Variants in MAPK15 observed in about 807,000 individuals in gnomAD.
MAPK15 encodes the protein mitogen-activated protein kinase 15.
A neutral mutation model predicts 60.8 loss-of-function variants in MAPK15; 61 were observed. The ratio of observed to expected loss-of-function variants is 1.00; its 90% CI spans 0.82 to 1.24. The LOEUF (loss-of-function observed/expected upper bound fraction) is 1.24. Ranked by LOEUF, MAPK15 falls within the 50% of genes most tolerant of loss-of-function variation. The pLI is 0.00. For synonymous variants in MAPK15, 356 were observed against 319.9 expected (o/e 1.11, Z -1.21); for missense variants, 808 against 741.1 (o/e 1.09, Z -1.05).
Position 143,720,069 on chromosome 8 carries a change from T to C in MAPK15, c.722-161T>C. ...CGGGTGCTCCCGTGCACAGGCTGGG[T>C]GGCACGCCCTGGTGATGGGGTGTTT... is the stretch of plus-strand genomic sequence containing the variant. On this transcript the variant is annotated intron_variant, in intron 7 of 13. Coordinates refer to ENST00000338033, the MANE Select transcript of MAPK15 (RefSeq NM_139021.3). This position sits in a 1 kb window ranked among gnomAD's most constrained non-coding sequence, Gnocchi z 4.6. The C allele has an allele frequency of 2.9e-6, 3 of 1,021,258 alleles. No individual in the cohort carries two copies. The highest frequency in any genetic ancestry group is 4.3e-6 in the Non-Finnish European group (3 of 703,112). 63.3% of individuals were successfully genotyped at this position (1,021,258 alleles called of 1,614,324 possible). A position where few individuals can be genotyped will look rare whatever the true frequency, so the allele number is the denominator to read the frequency against.
Position 143,718,867 on chromosome 8 carries a change from T to A in MAPK15, c.379T>A (p.Phe127Ile). The part of the protein sequence containing the change: ...IFYQLLRATR[F>I]LHSGHVVHRD... ...CTACCAGCTCCTGCGGGCCACCCGG[T>A]TCCTCCACTCGGGGCACGTTGTGCA... Residue 127 changes from phenylalanine (F) to isoleucine (I), a missense_variant, in exon 5 of 14, where the codon TTC (phenylalanine) becomes ATC (isoleucine). Physicochemically the swap from Phe to Ile is conservative, Grantham distance 21 (BLOSUM62 0). Coordinates refer to ENST00000338033, the MANE Select transcript of MAPK15 (RefSeq NM_139021.3). 2 of 1,611,692 alleles carry A rather than the reference T, an allele frequency of 1.2e-6. No individual in the cohort carries two copies. The highest frequency in any genetic ancestry group is 1.1e-5 in the South Asian group (1 of 90,878).
intron 4 of MAPK15, 97 bp downstream of exon 4, chr8:143,718,399 A>G: frequency 8.9e-7 from 1 of 1,122,096 alleles, no homozygotes. Flanking sequence ...GTCCCTCTGC[A>G]GCTGGCCCAC....
chr8:143,718,682 G>A (rs1554618947), intron 4 of MAPK15, 93 bp from the exon 5 acceptor site: 2 of 1,230,652 alleles, frequency 1.6e-6, no homozygotes, highest in South Asian at 2.9e-5. Context: ...CTGGTTCAAA[G>A]TGGGACAGAC....
At position 143,722,357 on chromosome 8, in the gene MAPK15, G is replaced by A. The variant is rs1037820613; in HGVS notation, c.*106G>A. 18 of 1,099,760 alleles carry A rather than the reference G, an allele frequency of 1.6e-5. No individual in the cohort carries two copies. The highest frequency in any genetic ancestry group is 3.4e-5 in the South Asian group (2 of 59,154). The allele number at this position is 1,099,760 out of a possible 1,614,324, so 68.1% of individuals were successfully genotyped here. A position where few individuals can be genotyped will look rare whatever the true frequency, so the allele number is the denominator to read the frequency against. ...TAGCCCTCCCTGCTTTGCCTGGCCC[G>A]TTGAAGTTCCAGGGAGCTTGCCCGG... On this transcript the variant is annotated 3_prime_UTR_variant, in exon 14 of 14. Transcript: ENST00000338033.
intron 4 of MAPK15, 108 bp downstream of exon 4, chr8:143,718,410 A>G (rs1817899008): frequency 9.9e-7 from 1 of 1,013,588 alleles, no homozygotes; most frequent in African/African-American, 1.6e-5. Flanking sequence ...GCTGGCCCAC[A>G]GTGGCTTGCT....
In MAPK15 at chr8:143,720,703, G is replaced by A. The variant is rs1554619512; in HGVS notation, c.780G>A (p.Arg260=). The A allele has an allele frequency of 1.2e-6, 2 of 1,610,424 alleles. No individual in the cohort carries two copies. Among genetic ancestry groups the A allele is most frequent in the South Asian group, 1.1e-5 (1 of 90,518 alleles). ...RASVLHQLGS[R]PRQTLDALLP... Reference sequence around the variant, plus strand: ...GGAGACGACACACGGCAGCCCACAGGCCACGACAGACGCTGGATGCCCTCC... The same window carrying A: ...GGAGACGACACACGGCAGCCCACAGACCACGACAGACGCTGGATGCCCTCC... The change falls in exon 9 of 14, where the codon CGG becomes CGA. Residue 260 remains arginine, a splice_region_variant and synonymous_variant. Transcript: ENST00000338033. This position sits in a 1 kb window ranked among gnomAD's most constrained non-coding sequence, Gnocchi z 4.6.
intron 1 of MAPK15, 55 bp from the exon 2 acceptor site, chr8:143,717,639 G>A: frequency 7.0e-7 from 1 of 1,428,880 alleles, no homozygotes; most frequent in Non-Finnish European, 9.7e-7. Context: ...GACAATCTGG[G>A]TGGGCAGGGG....
rs140275267 is a variant in MAPK15 at position 143,718,251 on chromosome 8, G to A, written c.235G>A (p.Val79Met). The A allele has an allele frequency of 4.3e-6, 7 of 1,614,172 alleles. No homozygotes were observed. The highest frequency in any genetic ancestry group is 1.1e-5 in the South Asian group (1 of 91,084). Residue 79 changes from valine to methionine, a missense_variant, in exon 4 of 14, where the codon GTG becomes ATG. Val to Met is a conservative substitution (Grantham distance 21). Coordinates refer to ENST00000338033, the MANE Select transcript of MAPK15 (RefSeq NM_139021.3). ...TCCCAACATCATCAGCCTCCTTGACGTGATCCGGGCAGAGAACGACAGGGA... is the reference window on the plus strand; with the variant it reads ...TCCCAACATCATCAGCCTCCTTGACATGATCCGGGCAGAGAACGACAGGGA... ...DHPNIISLLDVIRAENDRDIY... is the reference protein window; with the variant it reads ...DHPNIISLLDMIRAENDRDIY...
In MAPK15 at chr8:143,721,058, G is replaced by A. The variant is rs782213458; in HGVS notation, c.976G>A (p.Glu326Lys). The part of the protein sequence containing the change: ...READVRPRAH[E>K]GVQLSVPEYR... The stretch of plus-strand genomic sequence containing the variant: ...GGCAGATGTGCGGCCCCGGGCACAC[G>A]AAGGGGTCCAGCTCTCTGTGCCTGA... Residue 326 changes from glutamate to lysine, a missense_variant, in exon 10 of 14, where the codon GAA becomes AAA. Transcript: ENST00000338033. 97 of 1,612,018 alleles carry A rather than the reference G, an allele frequency of 6.0e-5. No individual in the cohort carries two copies. In the Admixed American group the frequency reaches 1.2e-3, roughly 21 times the overall value.
In MAPK15 at chr8:143,721,053, C is replaced by G. The variant is rs1280398379; in HGVS notation, c.971C>G (p.Ala324Gly). ...CGAGAGGCAGATGTGCGGCCCCGGG[C>G]ACACGAAGGGGTCCAGCTCTCTGTG... Reference protein sequence around the residue: ...WAREADVRPRAHEGVQLSVPE... With the variant: ...WAREADVRPRGHEGVQLSVPE... Residue 324 changes from alanine (A) to glycine (G), a missense_variant, in exon 10 of 14, where the codon GCA becomes GGA. Physicochemically the swap from Ala to Gly is moderately conservative, Grantham distance 60 (BLOSUM62 0). Transcript: ENST00000338033. The G allele has an allele frequency of 6.2e-7, 1 of 1,612,022 alleles. No homozygotes were observed. The highest frequency in any genetic ancestry group is 1.1e-5 in the South Asian group (1 of 91,040).
Position 143,719,002 on chromosome 8 carries a change from G to A in MAPK15, c.427G>A (p.Val143Met). The A allele has an allele frequency of 6.2e-7, 1 of 1,607,814 alleles. No homozygotes were observed. The highest frequency in any genetic ancestry group is 8.5e-7 in the Non-Finnish European group (1 of 1,177,628). ...TGCCTCCTCTCTGCAGCCGTCCAAT[G>A]TGCTCCTGGATGCCAACTGCACAGT... ...VVHRDQKPSNVLLDANCTVKL... is the reference protein window; with the variant it reads ...VVHRDQKPSNMLLDANCTVKL... The change falls in exon 6 of 14, where the codon GTG becomes ATG. Residue 143 changes from valine to methionine, a missense_variant. Coordinates refer to ENST00000338033, the MANE Select transcript of MAPK15 (RefSeq NM_139021.3).
At chr8:143,716,837 C>T (rs1554618471) in intron 1 of MAPK15, among the ~76,000 whole-genome samples, 1 of 152,118 alleles carries the variant, frequency 6.6e-6, no homozygotes, top group African/African-American at 2.4e-5. Context: ...GGGCGAGGCC[C>T]GAGAAGGGCC....
At chr8:143,721,526 G>C (rs1420590366) in intron 11 of MAPK15, 23 bp from the exon 12 acceptor site, 1 of 1,613,532 alleles carries the variant, frequency 6.2e-7, no homozygotes, top group Non-Finnish European at 8.5e-7. Context: ...ACTGACCCCG[G>C]GGTTGACCCA....
rs782312813 is a variant in MAPK15 at position 143,721,652 on chromosome 8, G to GC, written c.1314dup (p.Thr440AspfsTer33). ...AAAGGCCCCCTGGGGCGAAGGAAGC[G>GC]CCCCCCTTGACACTCTCGCTGGTAA... On this transcript the variant is annotated frameshift_variant, in exon 12 of 14. Transcript: ENST00000338033. LOFTEE classifies it high-confidence loss of function. 513 of 1,608,708 alleles carry GC rather than the reference G, an allele frequency of 3.2e-4. No homozygotes were observed. Among genetic ancestry groups the GC allele is most frequent in the Non-Finnish European group, 1.5e-4 (178 of 1,177,166 alleles).
In MAPK15 at chr8:143,718,894, C is replaced by T. The variant is rs577107750; in HGVS notation, c.406C>T (p.Arg136Trp). The change falls in exon 5 of 14, where the codon CGG (arginine) becomes TGG (tryptophan). Residue 136 changes from arginine (R) to tryptophan (W), a missense_variant. Physicochemically the swap from Arg to Trp is moderately radical, Grantham distance 101. Coordinates refer to ENST00000338033, the MANE Select transcript of MAPK15 (RefSeq NM_139021.3). ...RFLHSGHVVH[R>W]DQKPSNVLLD... ...CCTCCACTCGGGGCACGTTGTGCAC[C>T]GGGACCAGAAGGTGCGGTTCCCCCG... The T allele has an allele frequency of 3.6e-5, 58 of 1,607,160 alleles. No homozygotes were observed. The Middle Eastern group carries it at 5.0e-4, about 14-fold the overall frequency.
rs1554619176 is a variant in MAPK15 at position 143,719,122 on chromosome 8, T to TACCGAGC, written c.552_558dup (p.Glu187SerfsTer55). On this transcript the variant is annotated frameshift_variant, in exon 6 of 14. Coordinates refer to ENST00000338033, the MANE Select transcript of MAPK15 (RefSeq NM_139021.3). LOFTEE classifies it high-confidence loss of function. ...GACAGAGTACGTGGCCACACGCTGG[T>TACCGAGC]ACCGAGCACCGGAGGTGCTGCTCTC... The TACCGAGC allele has an allele frequency of 2.6e-6, 4 of 1,557,596 alleles. No homozygotes were observed. The African/African-American group carries it at 5.5e-5, about 21-fold the overall frequency.
At chr8:143,719,978 G>A (rs541785831) in intron 7 of MAPK15, among the ~76,000 whole-genome samples, 16 of 152,214 alleles carry the variant, frequency 1.1e-4, no homozygotes, top group African/African-American at 2.6e-4. Flanking sequence ...GGAGGTGGGC[G>A]CCAGCATCCA....
chr8:143,718,736 GCCCCCCAC>G, intron 4 of MAPK15, 31 bp from the exon 5 acceptor site: 5 of 131,298 alleles, frequency 3.8e-5, no homozygotes, highest in Non-Finnish European at 6.4e-5. Context: ...TGCCCCCCCA[GCCCCCCAC>G]CCCCGACTGC....
intron 11 of MAPK15, 54 bp from the exon 12 acceptor site, chr8:143,721,495 T>A: frequency 6.2e-7 from 1 of 1,613,032 alleles, no homozygotes; most frequent in Non-Finnish European, 8.5e-7. Flanking sequence ...AGCATTCGGT[T>A]CCTGACCCTG....
Sources: allele counts gnomAD v4.1 joint callset (sites outside exome capture counted in the v4.1 genomes callset), GRCh38; gene constraint gnomAD v4.1.1; non-coding constraint Gnocchi (gnomAD v3.1); transcripts MANE v1.5; gene names NCBI Gene and HGNC (gene_info 2026-07-23, HGNC 2026-07-21).